The following GFRA1 variants were observed in gnomAD, a reference collection of about 807,000 sequenced individuals.
GFRA1 encodes the protein GDNF family receptor alpha-1.
In GFRA1, 16 loss-of-function variants were observed where a neutral mutation model predicts 51.6. The observed-to-expected ratio is 0.31, with a 90% CI of 0.21 to 0.47. GFRA1 has a LOEUF of 0.47. Among genes scored for constraint, GFRA1 ranks in the 20% least tolerant of loss-of-function variants. GFRA1 has a pLI of 1.00. For missense variants in GFRA1, 530 were observed against 594.3 expected (o/e 0.89, Z 1.13); for synonymous variants, 270 against 241.3 (o/e 1.12, Z -1.10).
intron 9 of GFRA1, among the ~76,000 whole-genome samples, chr10:116,077,719 T>G (rs1955676807): frequency 6.6e-6 from 1 of 152,224 alleles, no homozygotes; most frequent in African/African-American, 2.4e-5. Context: ...AAAGAAATCA[T>G]TTTTTGAATT....
chr10:116,100,062 G>A (rs1278605817), intron 6 of GFRA1, among the ~76,000 whole-genome samples: 1 of 152,200 alleles, frequency 6.6e-6, no homozygotes, highest in Non-Finnish European at 1.5e-5. Flanking sequence ...CTATTACACA[G>A]CTGCAGAAGC....
At chr10:116,226,186 G>A (rs1966281642) in intron 4 of GFRA1, among the ~76,000 whole-genome samples, 1 of 152,154 alleles carries the variant, frequency 6.6e-6, no homozygotes, top group Admixed American at 6.5e-5. Flanking sequence ...TGATTACGGA[G>A]GCACAAACAG....
At chr10:116,205,596 G>GAGAGAGAGATATAT (rs1964679507) in intron 5 of GFRA1, among the ~76,000 whole-genome samples, 2 of 140,562 alleles carry the variant, frequency 1.4e-5, no homozygotes, top group African/African-American at 5.2e-5. Context: ...AAAAAAAAAA[G>GAGAGAGAGATATAT]ATATATATAT....
chr10:116,166,579 T>G (rs1344563846), intron 5 of GFRA1, among the ~76,000 whole-genome samples: 3 of 152,050 alleles, frequency 2.0e-5, no homozygotes, highest in Non-Finnish European at 4.4e-5. Context: ...GTGCAGCCTC[T>G]ACTATGTGAC....
At chr10:116,148,794 G>A (rs1958942596) in intron 5 of GFRA1, among the ~76,000 whole-genome samples, 1 of 152,212 alleles carries the variant, frequency 6.6e-6, no homozygotes, top group African/African-American at 2.4e-5. Flanking sequence ...GCTTATTCCA[G>A]GGCACGAAGA....
chr10:116,135,122 C>A (rs952084829), intron 5 of GFRA1, among the ~76,000 whole-genome samples: 1 of 152,056 alleles, frequency 6.6e-6, no homozygotes, highest in Non-Finnish European at 1.5e-5. Context: ...AGGTGAGGCG[C>A]CTGGTAAGGT....
intron 6 of GFRA1, among the ~76,000 whole-genome samples, chr10:116,108,057 G>T (rs533286059): frequency 1.3e-5 from 2 of 152,180 alleles, no homozygotes; most frequent in East Asian, 3.9e-4. Context: ...CCCTGGGAGG[G>T]GGTGGGGAAA....
At chr10:116,096,906 C>T (rs1214062815) in intron 6 of GFRA1, 142 bp from the exon 7 acceptor site, 5 of 658,646 alleles carry the variant, frequency 7.6e-6, no homozygotes, top group Non-Finnish European at 1.4e-5. Context: ...CACACATACA[C>T]ACAAAATACG....
In GFRA1 at chr10:116,125,479, C is replaced by A; in HGVS notation, c.512G>T (p.Arg171Met). 1.9e-6 allele frequency: 3 copies of A among 1,614,188 alleles called. No individual in the cohort carries two copies. Among genetic ancestry groups the A allele is most frequent in the Non-Finnish European group, 2.5e-6 (3 of 1,180,038 alleles). The change falls in exon 6 of 11, where the codon AGG becomes ATG. Residue 171 changes from arginine (R) to methionine (M), a missense_variant. By Grantham distance (91) the Arg-to-Met change is moderately conservative (BLOSUM62 -1). Transcript: ENST00000355422. ...CNLDDICKKY[R>M]SAYITPCTTS... is the part of the protein sequence containing the mutation. ...GGTGCACGGGGTGATGTACGCCGAC[C>A]TGTACTTCTTGCAAATGTCGTCGAG...
chr10:116,110,136 C>A (rs1957150968), intron 6 of GFRA1, among the ~76,000 whole-genome samples: 1 of 152,230 alleles, frequency 6.6e-6, no homozygotes, highest in South Asian at 2.1e-4. Context: ...GCAGAGGAAT[C>A]AGGCAGACTT....
intron 9 of GFRA1, among the ~76,000 whole-genome samples, chr10:116,071,983 C>T (rs945462876): frequency 2.6e-5 from 4 of 152,054 alleles, no homozygotes; most frequent in East Asian, 1.9e-4. Flanking sequence ...GTTTGACACC[C>T]GCAGAAGAAT....
chr10:116,154,515 TC>T (rs1464814509), intron 5 of GFRA1, among the ~76,000 whole-genome samples: 1 of 152,192 alleles, frequency 6.6e-6, no homozygotes, highest in Admixed American at 6.5e-5. Flanking sequence ...GCAAACTTAA[TC>T]CATGCTGACA....
intron 5 of GFRA1, among the ~76,000 whole-genome samples, chr10:116,207,470 C>G (rs1964867630): frequency 6.6e-6 from 1 of 152,174 alleles, no homozygotes; most frequent in African/African-American, 2.4e-5. Context: ...GGGGAGTAGC[C>G]ACCCATGGCA....
intron 4 of GFRA1, among the ~76,000 whole-genome samples, chr10:116,216,297 G>A (rs1043299426): frequency 2.0e-5 from 3 of 152,082 alleles, no homozygotes; most frequent in African/African-American, 7.2e-5. Flanking sequence ...CCTCTCTTGC[G>A]CCTGGGTTAG....
chr10:116,196,858 CT>C (rs200312295), intron 5 of GFRA1, among the ~76,000 whole-genome samples: 7 of 117,976 alleles, frequency 5.9e-5, no homozygotes, highest in African/African-American at 9.8e-5. Context: ...TTTTTTTTCC[CT>C]CCCACAGTTC....
At chr10:116,146,374 T>C (rs952799146) in intron 5 of GFRA1, among the ~76,000 whole-genome samples, 1 of 152,248 alleles carries the variant, frequency 6.6e-6, no homozygotes, top group African/African-American at 2.4e-5. Context: ...GTTTGAGTAA[T>C]TGTCAATGAG....
At chr10:116,188,216 G>C (rs562815884) in intron 5 of GFRA1, among the ~76,000 whole-genome samples, 1 of 152,040 alleles carries the variant, frequency 6.6e-6, no homozygotes, top group Non-Finnish European at 1.5e-5. Flanking sequence ...CCTGTGGGAT[G>C]GGGGGTCAAC....
At chr10:116,080,987 G>A (rs1052218974) in intron 9 of GFRA1, among the ~76,000 whole-genome samples, 1 of 152,234 alleles carries the variant, frequency 6.6e-6, no homozygotes, top group Non-Finnish European at 1.5e-5. Context: ...GGAGAAGGCA[G>A]AGAAGCTCTC....
intron 5 of GFRA1, among the ~76,000 whole-genome samples, chr10:116,143,679 T>TCC (rs1458231269): frequency 9.3e-5 from 13 of 140,230 alleles, no homozygotes; most frequent in African/African-American, 3.5e-4. Context: ...TCTCTCTCTC[T>TCC]CCCATGCAAT....
Sources: gnomAD v4.1 joint callset for allele counts (sites outside exome capture counted in the v4.1 genomes callset) on GRCh38, gnomAD v4.1.1 for gene constraint, MANE v1.5 for transcripts, NCBI Gene and HGNC (gene_info 2026-07-23, HGNC 2026-07-21) for gene names.